The following FAM168A variants were observed in gnomAD, a reference collection of about 807,000 sequenced individuals.
FAM168A encodes protein FAM168A.
A neutral mutation model predicts 28.5 loss-of-function variants in FAM168A; 3 were observed. That is an observed-to-expected ratio of 0.11 (90% CI 0.05 to 0.27). The LOEUF (loss-of-function observed/expected upper bound fraction) is 0.27, where lower values mean the gene tolerates loss of function less well. FAM168A is among the 10% of genes least tolerant of loss of function. The pLI is 1.00. For synonymous variants in FAM168A, 122 were observed against 124.2 expected (o/e 0.98, Z 0.12); for missense variants, 222 against 311.5 (o/e 0.71, Z 2.16).
chr11:73,540,495 T>C (rs561357088), intron 1 of FAM168A, among the ~76,000 whole-genome samples: 1 of 152,294 alleles, frequency 6.6e-6, no homozygotes, highest in Admixed American at 6.5e-5. Flanking sequence ...TCCACAACTC[T>C]ATGCATTTTG....
chr11:73,578,931 C>G (rs182235182), intron 1 of FAM168A, among the ~76,000 whole-genome samples: 3 of 152,294 alleles, frequency 2.0e-5, no homozygotes, highest in African/African-American at 4.8e-5. Context: ...GTGTACATAA[C>G]AGAATACCAC....
chr11:73,465,057 G>A (rs984588733), intron 2 of FAM168A, among the ~76,000 whole-genome samples: 2 of 151,656 alleles, frequency 1.3e-5, no homozygotes, highest in Admixed American at 1.3e-4. Flanking sequence ...TGTCCACTAT[G>A]AGCCAGGCAC....
At chr11:73,498,427 T>C (rs1854938698) in intron 1 of FAM168A, among the ~76,000 whole-genome samples, 1 of 152,166 alleles carries the variant, frequency 6.6e-6, no homozygotes. Context: ...AAGATCCCAC[T>C]AGCAAACCCA....
chr11:73,454,782 G>A (rs1867497998), intron 2 of FAM168A, among the ~76,000 whole-genome samples: 1 of 152,146 alleles, frequency 6.6e-6, no homozygotes, highest in Admixed American at 6.5e-5. Context: ...CGAAGAATCT[G>A]GCTGGAGACA....
intron 1 of FAM168A, among the ~76,000 whole-genome samples, chr11:73,536,522 T>C (rs905248250): frequency 6.6e-6 from 1 of 152,110 alleles, no homozygotes; most frequent in Non-Finnish European, 1.5e-5. Context: ...ACCCCATCTC[T>C]ACTAAAAATA....
At chr11:73,501,978 G>A (rs1855017456) in intron 1 of FAM168A, among the ~76,000 whole-genome samples, 1 of 152,020 alleles carries the variant, frequency 6.6e-6, no homozygotes, top group Non-Finnish European at 1.5e-5. Flanking sequence ...GCGGGCGCCT[G>A]TAGTCCCAGC....
At position 73,411,426 on chromosome 11, in the gene FAM168A, T is replaced by C. The variant is rs1218797796; in HGVS notation, c.388A>G (p.Ser130Gly). Residue 130 changes from serine (S) to glycine (G), a missense_variant, in exon 5 of 8, where the codon AGT becomes GGT. Ser to Gly is a moderately conservative substitution (Grantham distance 56). Transcript: ENST00000356467. ...TACAGATTCTGCTGGGGGTAGGCAC[T>C]TCTGATTGGATACATGGCCGTCTGA... ...PYQTAMYPIR[S>G]AYPQQNLYAQ... The C allele has an allele frequency of 2.5e-6, 4 of 1,611,968 alleles. No individual in the cohort carries two copies. Among genetic ancestry groups the C allele is most frequent in the Non-Finnish European group, 3.4e-6 (4 of 1,178,912 alleles).
intron 6 of FAM168A, among the ~76,000 whole-genome samples, 186 bp downstream of exon 6, chr11:73,409,301 C>T (rs776783758): frequency 2.6e-5 from 4 of 152,154 alleles, no homozygotes; most frequent in Non-Finnish European, 5.9e-5. Context: ...TAGCTCGATA[C>T]GTCCTTCTTG....
intron 1 of FAM168A, among the ~76,000 whole-genome samples, chr11:73,517,016 G>A (rs1360352289): frequency 6.6e-6 from 1 of 152,004 alleles, no homozygotes; most frequent in Non-Finnish European, 1.5e-5. Flanking sequence ...GATTGCTATG[G>A]GAGCTTACAG....
chr11:73,493,631 G>A (rs1374892764), intron 1 of FAM168A, among the ~76,000 whole-genome samples: 4 of 152,002 alleles, frequency 2.6e-5, no homozygotes, highest in Admixed American at 6.6e-5. Context: ...TTGCCCAGGC[G>A]GTCTCAAACT....
chr11:73,536,572 A>T (rs1035133378), intron 1 of FAM168A, among the ~76,000 whole-genome samples: 1 of 152,134 alleles, frequency 6.6e-6, no homozygotes, highest in African/African-American at 2.4e-5. Context: ...CTGTAATCCC[A>T]GCTACTCGGG....
chr11:73,469,258 T>C (rs764637756), intron 1 of FAM168A, among the ~76,000 whole-genome samples: 2 of 152,210 alleles, frequency 1.3e-5, no homozygotes, highest in Admixed American at 6.5e-5. Context: ...TAAGCTCTAT[T>C]AGCCAGCCAA....
intron 1 of FAM168A, among the ~76,000 whole-genome samples, chr11:73,481,312 C>T (rs1052318862): frequency 6.6e-6 from 1 of 152,192 alleles, no homozygotes; most frequent in South Asian, 2.1e-4. Context: ...AATTGTATCC[C>T]ATCCCTGACT....
chr11:73,581,516 C>T (rs1302846413), intron 1 of FAM168A, among the ~76,000 whole-genome samples: 4 of 152,214 alleles, frequency 2.6e-5, no homozygotes. Flanking sequence ...CTGTCCAAGT[C>T]AGACAGCTAG....
intron 6 of FAM168A, among the ~76,000 whole-genome samples, chr11:73,408,077 G>A (rs1322311356): frequency 6.6e-6 from 1 of 152,112 alleles, no homozygotes; most frequent in African/African-American, 2.4e-5. Flanking sequence ...CACCATGTTG[G>A]CCAGGCTGGT....
chr11:73,425,149 C>T (rs780985217), intron 3 of FAM168A: 83 of 746,736 alleles, frequency 1.1e-4, no homozygotes, highest in Non-Finnish European at 1.6e-4. Flanking sequence ...ATAGCAGTTT[C>T]CCCCCAGCTT....
chr11:73,565,164 G>C (rs1944007578), intron 1 of FAM168A, among the ~76,000 whole-genome samples: 1 of 152,128 alleles, frequency 6.6e-6, no homozygotes, highest in Admixed American at 6.6e-5. Context: ...GGACCACAAA[G>C]ACCCTGACAA....
At chr11:73,545,011 TA>T (rs1943723877) in intron 1 of FAM168A, among the ~76,000 whole-genome samples, 1 of 83,144 alleles carries the variant, frequency 1.2e-5, no homozygotes, top group African/African-American at 8.7e-5. Context: ...TAATATACTA[TA>T]TATATAGTAT....
At chr11:73,502,324 T>A (rs1431574681) in intron 1 of FAM168A, among the ~76,000 whole-genome samples, 2 of 151,934 alleles carry the variant, frequency 1.3e-5, no homozygotes, top group Non-Finnish European at 2.9e-5. Context: ...TCACCACTGA[T>A]CCCACAGAAA....
Sources: gnomAD v4.1 joint callset for allele counts (sites outside exome capture counted in the v4.1 genomes callset) on GRCh38, gnomAD v4.1.1 for gene constraint, MANE v1.5 for transcripts, NCBI Gene and HGNC (gene_info 2026-07-23, HGNC 2026-07-21) for gene names.